The following BNC2 variants were observed in gnomAD, a reference collection of about 807,000 sequenced individuals.
BNC2 encodes zinc finger protein basonuclin-2.
BNC2 carries 20 observed loss-of-function variants against 76.3 expected under a neutral mutation model. That is an observed-to-expected ratio of 0.26 (90% confidence interval 0.18 to 0.38). The LOEUF (loss-of-function observed/expected upper bound fraction) is 0.38, where lower values mean the gene tolerates loss of function less well. Among genes scored for constraint, BNC2 ranks in the 10% least tolerant of loss-of-function variants. The pLI is 1.00. For missense variants in BNC2, 1,382 were observed against 1,399.8 expected, an observed-to-expected ratio of 0.99 and a Z score of 0.20; for synonymous variants, 582 against 514.8, an observed-to-expected ratio of 1.13 and a Z score of -1.77.
chr9:16,603,482 CA>C (rs113436336), intron 3 of BNC2, among the ~76,000 whole-genome samples: 2 of 152,136 alleles, frequency 1.3e-5, no homozygotes, highest in African/African-American at 4.8e-5. Flanking sequence ...CCAAAAGTCA[CA>C]AATTTTTTGT....
chr9:16,863,059 T>A lies in BNC2; in HGVS notation c.3+7587A>T, dbSNP rs1007808149. ...CCTCCCGAGTAGCTGGGATTATAGG[T>A]GCCCGCCACCACGCCCAGCTAATTT... On this transcript the variant is annotated intron_variant, in intron 1 of 6. Transcript: ENST00000380672. Among the ~76,000 whole-genome samples, 15 of 151,660 alleles carry A rather than the reference T, an allele frequency of 9.9e-5. 1 individual carries two copies. Among genetic ancestry groups the A allele is most frequent in the Admixed American group, 9.9e-4 (15 of 15,214 alleles).
At chr9:16,612,212 A>G (rs1820568706) in intron 3 of BNC2, among the ~76,000 whole-genome samples, 1 of 152,150 alleles carries the variant, frequency 6.6e-6, no homozygotes, top group African/African-American at 2.4e-5. Flanking sequence ...AAACCATGCA[A>G]TCCTCCAGCC....
chr9:16,683,106 G>A (rs1456013511), intron 3 of BNC2, among the ~76,000 whole-genome samples: 1 of 152,172 alleles, frequency 6.6e-6, no homozygotes, highest in East Asian at 1.9e-4. Context: ...AACCACAGCA[G>A]AAGTCCTTGC....
At chr9:16,786,529 CA>C (rs1280198328) in intron 1 of BNC2, among the ~76,000 whole-genome samples, 1 of 152,160 alleles carries the variant, frequency 6.6e-6, no homozygotes, top group Non-Finnish European at 1.5e-5. Flanking sequence ...CTTTATCCCC[CA>C]AACTGTGGCT....
intron 5 of BNC2, among the ~76,000 whole-genome samples, chr9:16,511,089 G>A (rs939198580): frequency 6.6e-6 from 1 of 150,508 alleles, no homozygotes; most frequent in Non-Finnish European, 1.5e-5. Flanking sequence ...AAAGCTAATG[G>A]AGATCACTAA....
intron 5 of BNC2, among the ~76,000 whole-genome samples, chr9:16,482,774 A>T (rs1401130721): frequency 1.3e-5 from 2 of 152,232 alleles, no homozygotes; most frequent in African/African-American, 2.4e-5. Context: ...GTATCATCAC[A>T]AACTTCAGAC....
chr9:16,690,040 C>G (rs1823108845), intron 3 of BNC2, among the ~76,000 whole-genome samples: 1 of 152,194 alleles, frequency 6.6e-6, no homozygotes, highest in South Asian at 2.1e-4. Context: ...TAAATTATAT[C>G]TCCATTTTTC....
At chr9:16,851,428 C>A (rs1340787563) in intron 1 of BNC2, among the ~76,000 whole-genome samples, 1 of 152,084 alleles carries the variant, frequency 6.6e-6, no homozygotes, top group African/African-American at 2.4e-5. Flanking sequence ...ATTGCTGGAG[C>A]CCAGCAGGTC....
intron 5 of BNC2, among the ~76,000 whole-genome samples, chr9:16,527,096 T>C (rs964802338): frequency 2.6e-5 from 4 of 152,166 alleles, no homozygotes; most frequent in African/African-American, 9.7e-5. Context: ...AGAGAGCACA[T>C]GTCCAAACAG....
intron 1 of BNC2, among the ~76,000 whole-genome samples, chr9:16,777,803 A>G (rs1197238742): frequency 1.3e-5 from 2 of 152,096 alleles, no homozygotes; most frequent in Non-Finnish European, 2.9e-5. Flanking sequence ...AAAAAATTGG[A>G]TACAACCTAA....
Position 16,677,578 on chromosome 9 carries a change from A to AACACACACACACACACACACACACAC in BNC2, c.330+50193_330+50218dup, listed in dbSNP as rs57587457. The stretch of plus-strand genomic sequence containing the variant: ...ACAAAGCTAGACTTTGTCTCAAACA[A>AACACACACACACACACACACACACAC]ACACACACACACACACACACACACA... On this transcript the variant is annotated intron_variant, in intron 3 of 6. Transcript: ENST00000380672. 3.3e-3 allele frequency among the ~76,000 whole-genome samples: 461 copies of AACACACACACACACACACACACACAC among 139,304 alleles called. 14 individuals carry two copies. Among genetic ancestry groups the AACACACACACACACACACACACACAC allele is most frequent in the African/African-American group, 8.9e-3 (317 of 35,496 alleles). The allele number at this position is 139,304 out of a possible 152,430, so 91.4% of individuals were successfully genotyped here.
rs374351127 is a variant in BNC2 at position 16,543,314 on chromosome 9, G to T, written c.669+9216C>A. Among the ~76,000 whole-genome samples, 36 of 152,224 alleles carry T rather than the reference G, an allele frequency of 2.4e-4. 1 individual carries two copies. The South Asian group carries it at 7.1e-3, about 30-fold the overall frequency. On this transcript the variant is annotated intron_variant, in intron 5 of 6. Coordinates refer to ENST00000380672, the MANE Select transcript of BNC2 (RefSeq NM_017637.6). ...TTTTTGTATGGCTAGAGAGTTAATT[G>T]GTGCTAGAATTAAGGTTTAAACCCA...
chr9:16,521,061 G>C (rs891299813), intron 5 of BNC2, among the ~76,000 whole-genome samples: 1 of 152,096 alleles, frequency 6.6e-6, no homozygotes, highest in Admixed American at 6.5e-5. Flanking sequence ...AGATATAAGA[G>C]GAACATACAT....
At chr9:16,734,140 T>C (rs960395860) in intron 2 of BNC2, among the ~76,000 whole-genome samples, 3 of 152,210 alleles carry the variant, frequency 2.0e-5, no homozygotes, top group African/African-American at 7.2e-5. Context: ...AATTTATAGA[T>C]GATCTAGCCA....
intron 5 of BNC2, among the ~76,000 whole-genome samples, chr9:16,480,627 G>A (rs867777863): frequency 7.2e-5 from 11 of 152,218 alleles, no homozygotes; most frequent in Non-Finnish European, 1.3e-4. Flanking sequence ...CTGCTGGACC[G>A]GGCAATGAGG....
chr9:16,583,038 T>C lies in BNC2; in HGVS notation c.378A>G (p.Pro126=). The change falls in exon 4 of 7, where the codon CCA becomes CCG. Residue 126 remains proline, a synonymous_variant. Transcript: ENST00000380672. ...LVNCTCECFQ[P]GKINLRTCDQ... is the part of the protein sequence containing the mutation. ...CACAAGTCCTCAGGTTAATCTTCCC[T>C]GGCTGAAAACATTCACATGTGCAGT... 1 of 1,614,106 alleles carries C rather than the reference T, an allele frequency of 6.2e-7. No homozygotes were observed. The highest frequency in any genetic ancestry group is 8.5e-7 in the Non-Finnish European group (1 of 1,180,004).
rs548945940 is a variant in BNC2 at position 16,813,613 on chromosome 9, T to C, written c.3+57033A>G. On this transcript the variant is annotated intron_variant, in intron 1 of 6. Coordinates refer to ENST00000380672, the MANE Select transcript of BNC2 (RefSeq NM_017637.6). ...TTAAAAATCTATCCTGAACCTGACA[T>C]TTCTGTGAGAATGGAAAGAGGGGAT... Among the ~76,000 whole-genome samples the C allele has an allele frequency of 6.6e-5, 10 of 152,220 alleles. No homozygotes were observed. In the South Asian group the frequency reaches 1.2e-3, roughly 19 times the overall value.
In BNC2 at chr9:16,812,988, T is replaced by C. The variant is rs572180256; in HGVS notation, c.3+57658A>G. On this transcript the variant is annotated intron_variant, in intron 1 of 6. Coordinates refer to ENST00000380672, the MANE Select transcript of BNC2 (RefSeq NM_017637.6). ...CTTTAGGAGGCCGAGGTGGGCGGAT[T>C]ACCTGAGGTCAAGAGTTGGAGACCA... 4.6e-5 allele frequency among the ~76,000 whole-genome samples: 7 copies of C among 152,094 alleles called. No individual in the cohort carries two copies. In the East Asian group the frequency reaches 1.4e-3, roughly 30 times the overall value.
At chr9:16,539,809 GA>G (rs1203535003) in intron 5 of BNC2, among the ~76,000 whole-genome samples, 5 of 147,440 alleles carry the variant, frequency 3.4e-5, no homozygotes, top group African/African-American at 1.3e-4. Flanking sequence ...GAAAGGAAAG[GA>G]AAGGAAAGGA....
Sources: gnomAD v4.1 joint callset for allele counts (sites outside exome capture counted in the v4.1 genomes callset) on GRCh38, gnomAD v4.1.1 for gene constraint, MANE v1.5 for transcripts, NCBI Gene and HGNC (gene_info 2026-07-23, HGNC 2026-07-21) for gene names.